Variants in FBXL7 observed in about 807,000 individuals in gnomAD.
The protein encoded by FBXL7 is F-box and leucine rich repeat protein 7.
In FBXL7, 12 loss-of-function variants were observed where a neutral mutation model predicts 38.3. The observed-to-expected ratio is 0.31, with a 90% CI of 0.20 to 0.51. The LOEUF is 0.51. Ranked by LOEUF, FBXL7 falls within the 20% of genes least tolerant of loss-of-function variation. The pLI is 0.98. For synonymous variants in FBXL7, 297 were observed against 300.9 expected, an observed-to-expected ratio of 0.99 and a Z score of 0.13; for missense variants, 567 against 676.4, an observed-to-expected ratio of 0.84 and a Z score of 1.79.
At chr5:15,852,714 A>G (rs1369462239) in intron 2 of FBXL7, among the ~76,000 whole-genome samples, 2 of 151,990 alleles carry the variant, frequency 1.3e-5, no homozygotes, top group African/African-American at 2.4e-5. Flanking sequence ...ATATATGCCT[A>G]CATAGATCTC....
chr5:15,777,720 T>TAAAAAAAAA lies in FBXL7; in HGVS notation c.128-150152_128-150144dup, dbSNP rs371293320. Among the ~76,000 whole-genome samples, 119 of 82,498 alleles carry TAAAAAAAAA rather than the reference T, an allele frequency of 1.4e-3. 8 individuals are homozygous for TAAAAAAAAA. Among genetic ancestry groups the TAAAAAAAAA allele is most frequent in the African/African-American group, 6.6e-3 (116 of 17,708 alleles). The allele number at this position is 82,498 out of a possible 152,430, so 54.1% of individuals were successfully genotyped here. ...TATTGTTTGCAAACCCCTATTCTGG[T>TAAAAAAAAA]AAAAAAAAAAAAAAAAAAAAAAAAA... On this transcript the variant is annotated intron_variant, in intron 2 of 3. Coordinates refer to ENST00000504595, the MANE Select transcript of FBXL7 (RefSeq NM_012304.5).
rs183579633 is a variant in FBXL7 at position 15,566,616 on chromosome 5, C to A, written c.38-49367C>A. ...GGGGCCTAAACTCCATTTCCAACATCATAAATTACACATTTCATACAAGAA... is the reference window on the plus strand; with the variant it reads ...GGGGCCTAAACTCCATTTCCAACATAATAAATTACACATTTCATACAAGAA... On this transcript the variant is annotated intron_variant, in intron 1 of 3. Coordinates refer to ENST00000504595, the MANE Select transcript of FBXL7 (RefSeq NM_012304.5). Among the ~76,000 whole-genome samples the A allele has an allele frequency of 2.1e-3, 322 of 152,182 alleles. 1 individual carries two copies. Among genetic ancestry groups the A allele is most frequent in the Non-Finnish European group, 3.8e-3 (258 of 67,986 alleles).
At chr5:15,848,828 T>G (rs1249511252) in intron 2 of FBXL7, among the ~76,000 whole-genome samples, 2 of 152,220 alleles carry the variant, frequency 1.3e-5, no homozygotes, top group Non-Finnish European at 2.9e-5. Flanking sequence ...CTGTTTTTTC[T>G]GCAGAAACTT....
intron 1 of FBXL7, among the ~76,000 whole-genome samples, chr5:15,523,993 A>G (rs1275264181): frequency 6.6e-6 from 1 of 152,190 alleles, no homozygotes; most frequent in Non-Finnish European, 1.5e-5. Context: ...ATGACAGTTC[A>G]TTTGCCATAG....
chr5:15,768,530 C>CAAA (rs368089745), intron 2 of FBXL7, among the ~76,000 whole-genome samples: 49 of 125,118 alleles, frequency 3.9e-4, no homozygotes, highest in African/African-American at 9.3e-4. Flanking sequence ...GACTCTGTCT[C>CAAA]AAAAAAAAAA....
intron 1 of FBXL7, among the ~76,000 whole-genome samples, chr5:15,550,438 A>C (rs1357514901): frequency 1.3e-5 from 2 of 152,140 alleles, no homozygotes; most frequent in Non-Finnish European, 2.9e-5. Flanking sequence ...AAATAGGCCA[A>C]AGGATAGACT....
At chr5:15,749,501 C>T (rs1231819936) in intron 2 of FBXL7, among the ~76,000 whole-genome samples, 2 of 151,788 alleles carry the variant, frequency 1.3e-5, no homozygotes, top group Non-Finnish European at 2.9e-5. Flanking sequence ...GTTGCGGGCG[C>T]CCGTAGTCCC....
chr5:15,903,496 G>A (rs775320521), intron 2 of FBXL7, among the ~76,000 whole-genome samples: 7 of 152,140 alleles, frequency 4.6e-5, no homozygotes, highest in Non-Finnish European at 1.0e-4. Context: ...AGAAGGAGTA[G>A]GGAAACCCAC....
Position 15,819,933 on chromosome 5 carries a change from C to A in FBXL7, c.128-107957C>A, listed in dbSNP as rs549593484. 2.7e-3 allele frequency among the ~76,000 whole-genome samples: 409 copies of A among 152,312 alleles called. 1 individual carries two copies. The highest frequency in any genetic ancestry group is 9.3e-3 in the African/African-American group (386 of 41,582). ...GGTAGAATACAGAAACTATGGCCTG[C>A]AGCAAAGCTCTTCTGGTGATTTCTC... On this transcript the variant is annotated intron_variant, in intron 2 of 3. Transcript: ENST00000504595.
At chr5:15,525,953 C>T (rs1394553855) in intron 1 of FBXL7, among the ~76,000 whole-genome samples, 1 of 152,136 alleles carries the variant, frequency 6.6e-6, no homozygotes, top group Non-Finnish European at 1.5e-5. Context: ...GACACACACT[C>T]ATACACAGAG....
At chr5:15,647,412 T>C (rs777691904) in intron 2 of FBXL7, among the ~76,000 whole-genome samples, 61 of 152,148 alleles carry the variant, frequency 4.0e-4, no homozygotes, top group Non-Finnish European at 6.3e-4. Context: ...TCTCACTCAG[T>C]ACTTCCGAGG....
At chr5:15,533,049 TTTG>T (rs1737474847) in intron 1 of FBXL7, among the ~76,000 whole-genome samples, 1 of 152,032 alleles carries the variant, frequency 6.6e-6, no homozygotes. Context: ...ACTTGTTGAG[TTTG>T]GGGTGACTGT....
At chr5:15,619,704 A>G (rs996870363) in intron 2 of FBXL7, among the ~76,000 whole-genome samples, 3 of 152,182 alleles carry the variant, frequency 2.0e-5, no homozygotes, top group Non-Finnish European at 2.9e-5. Context: ...AAAATGACAT[A>G]TATTGTAAAG....
intron 2 of FBXL7, among the ~76,000 whole-genome samples, chr5:15,745,637 T>A (rs1735995222): frequency 6.6e-6 from 1 of 152,122 alleles, no homozygotes. Context: ...AAAAAACATT[T>A]CAGGCAGAAG....
At chr5:15,931,779 A>T (rs1400632824) in intron 3 of FBXL7, among the ~76,000 whole-genome samples, 4 of 152,132 alleles carry the variant, frequency 2.6e-5, no homozygotes, top group African/African-American at 4.8e-5. Context: ...TGATGTGTGC[A>T]TGCCTCTCTG....
At chr5:15,686,015 C>T (rs1029055741) in intron 2 of FBXL7, among the ~76,000 whole-genome samples, 18 of 152,108 alleles carry the variant, frequency 1.2e-4, no homozygotes, top group African/African-American at 4.3e-4. Context: ...CCCTGTTGCC[C>T]CTTTTGCCAT....
intron 2 of FBXL7, among the ~76,000 whole-genome samples, chr5:15,722,930 C>T (rs201987702): frequency 2.8e-5 from 4 of 142,080 alleles, no homozygotes; most frequent in Non-Finnish European, 6.1e-5. Context: ...TCAAAAAAAA[C>T]AAAAAAAAAA....
intron 2 of FBXL7, among the ~76,000 whole-genome samples, chr5:15,829,007 T>A (rs1218786591): frequency 6.6e-6 from 1 of 152,192 alleles, no homozygotes; most frequent in Non-Finnish European, 1.5e-5. Context: ...TGCAAAAAGA[T>A]CAGTGTTAGT....
In FBXL7 at chr5:15,646,586, A is replaced by G. The variant is rs540022190; in HGVS notation, c.127+30514A>G. 3.3e-5 allele frequency among the ~76,000 whole-genome samples: 5 copies of G among 152,320 alleles called. No individual in the cohort carries two copies. The South Asian group carries it at 6.2e-4, about 19-fold the overall frequency. On this transcript the variant is annotated intron_variant, in intron 2 of 3. Coordinates refer to ENST00000504595, the MANE Select transcript of FBXL7 (RefSeq NM_012304.5). ...TCTCTTTGGCTGATCTTATTCCCCAAATTGTTTACAGCTGTTTTGGAGCTT... is the reference window on the plus strand; with the variant it reads ...TCTCTTTGGCTGATCTTATTCCCCAGATTGTTTACAGCTGTTTTGGAGCTT...
Sources: gnomAD v4.1 joint callset for allele counts (sites outside exome capture counted in the v4.1 genomes callset) on GRCh38, gnomAD v4.1.1 for gene constraint, MANE v1.5 for transcripts, NCBI Gene and HGNC (gene_info 2026-07-23, HGNC 2026-07-21) for gene names.